Variants in SSH3 observed in about 807,000 individuals in gnomAD.
SSH3 encodes the protein protein phosphatase Slingshot homolog 3.
Under a neutral mutation model 75.0 loss-of-function variants are expected in SSH3, and 67 were observed. The ratio of observed to expected loss-of-function variants is 0.89; its 90% CI spans 0.73 to 1.10. The LOEUF (loss-of-function observed/expected upper bound fraction) is 1.10. Among genes scored for constraint, SSH3 ranks in the 50% least tolerant of loss-of-function variants. SSH3 has a pLI of 0.00. For synonymous variants in SSH3, 318 were observed against 349.2 expected, an observed-to-expected ratio of 0.91 and a Z score of 1.00; for missense variants, 824 against 872.7, an observed-to-expected ratio of 0.94 and a Z score of 0.70.
At position 67,306,949 on chromosome 11, in the gene SSH3, T is replaced by C. The variant is rs768727587; in HGVS notation, c.451T>C (p.Phe151Leu). ...TGAGACGGTCCTCCTGGGCGTGGAT[T>C]TCCCTGACAGCAGGTTCGAGCAGGG... is the stretch of plus-strand genomic sequence containing the variant. ...QDETVLLGVD[F>L]PDSSSPSCTL... Residue 151 changes from phenylalanine to leucine, a missense_variant, in exon 4 of 14, where the codon TTC becomes CTC. By Grantham distance (22) the Phe-to-Leu change is conservative (BLOSUM62 0). Coordinates refer to ENST00000308127, the MANE Select transcript of SSH3 (RefSeq NM_017857.4). 1 of 1,612,700 alleles carries C rather than the reference T, an allele frequency of 6.2e-7. No individual in the cohort carries two copies. The highest frequency in any genetic ancestry group is 1.7e-5 in the Admixed American group (1 of 59,964).
In SSH3 at chr11:67,309,610, C is replaced by T. The variant is rs1861353601; in HGVS notation, c.1208+67C>T. ...AGCGGCCTCCGGTGCCCTCCTCCTG[C>T]CCACTCTGCCATCAGCTGTGCCATT... On this transcript the variant is annotated intron_variant, in intron 11 of 13. Coordinates refer to ENST00000308127, the MANE Select transcript of SSH3 (RefSeq NM_017857.4). The T allele has an allele frequency of 3.8e-6, 6 of 1,586,224 alleles. No individual in the cohort carries two copies. The South Asian group carries it at 5.7e-5, about 15-fold the overall frequency.
Position 67,303,551 on chromosome 11 carries a change from G to A in SSH3, c.-75G>A, listed in dbSNP as rs1202783169. The A allele has an allele frequency of 4.2e-6, 6 of 1,412,076 alleles. No individual in the cohort carries two copies. In the Admixed American group the frequency reaches 1.3e-4, roughly 31 times the overall value. The allele number at this position is 1,412,076 out of a possible 1,614,324, so 87.5% of individuals were successfully genotyped here. Reference sequence around the variant, plus strand: ...CGCCGTCCGTCCTTCCTGGTCCTGCGGGTCCAGGACTGTCCGCGGGGTTGA... The same window carrying A: ...CGCCGTCCGTCCTTCCTGGTCCTGCAGGTCCAGGACTGTCCGCGGGGTTGA... On this transcript the variant is annotated 5_prime_UTR_variant, in exon 1 of 14. Coordinates refer to ENST00000308127, the MANE Select transcript of SSH3 (RefSeq NM_017857.4).
At chr11:67,305,622 T>TC (rs1472506489) in intron 3 of SSH3, among the ~76,000 whole-genome samples, 1 of 152,222 alleles carries the variant, frequency 6.6e-6, no homozygotes, top group African/African-American at 2.4e-5. Context: ...GGCATGTTTC[T>TC]CCTCAACCAG....
intron 13 of SSH3, among the ~76,000 whole-genome samples, chr11:67,311,366 A>G (rs1337558990): frequency 2.0e-5 from 3 of 152,072 alleles, no homozygotes; most frequent in Admixed American, 1.3e-4. Flanking sequence ...ACAAGCAGGT[A>G]GGGTTCAAGG....
chr11:67,311,559 CCCATGGCTTCCGTAT>C lies in SSH3; in HGVS notation c.1684-29_1684-15del. 1.9e-6 allele frequency: 3 copies of C among 1,611,380 alleles called. No individual in the cohort carries two copies. Among genetic ancestry groups the C allele is most frequent in the Non-Finnish European group, 2.5e-6 (3 of 1,179,432 alleles). ...GGGCACCCCTGCCCCAGAAAGGCCT[CCCATGGCTTCCGTAT>C]CCTCACACCTGTCCAGGTCTTCTCT... On this transcript the variant is annotated splice_polypyrimidine_tract_variant and intron_variant, in intron 13 of 13. Coordinates refer to ENST00000308127, the MANE Select transcript of SSH3 (RefSeq NM_017857.4).
chr11:67,304,226 G>A, intron 2 of SSH3, 71 bp downstream of exon 2: 1 of 1,248,082 alleles, frequency 8.0e-7, no homozygotes, highest in Non-Finnish European at 1.1e-6. Context: ...CTGGGCTCCA[G>A]CTGCAGGGAC....
In SSH3 at chr11:67,304,158, G is replaced by T; in HGVS notation, c.104+3G>T. The T allele has an allele frequency of 6.3e-7, 1 of 1,596,516 alleles. No individual in the cohort carries two copies. On this transcript the variant is annotated splice_donor_region_variant and intron_variant, in intron 2 of 13. Transcript: ENST00000308127. Reference sequence around the variant, plus strand: ...CGAAGGAGTCGACTCCAGCGAAGGTGAGCGCCACCTCCCCCACGCAGACAC... The same window carrying T: ...CGAAGGAGTCGACTCCAGCGAAGGTTAGCGCCACCTCCCCCACGCAGACAC...
At chr11:67,309,299 C>T (rs1861342707) in intron 10 of SSH3, 98 bp from the exon 11 acceptor site, 3 of 1,482,640 alleles carry the variant, frequency 2.0e-6, no homozygotes, top group South Asian at 2.4e-5. Flanking sequence ...TGACTTGAAA[C>T]TCAGAGCTAA....
rs1554972713 is a variant in SSH3, at chr11:67,307,965, T to G, written c.885+26T>G. ...GTGGGCAGGGGGCCCGGGGACTGAG[T>G]CCCCTCTAGCAGGGGCTGCAAGCTT... On this transcript the variant is annotated intron_variant, in intron 8 of 13. Transcript: ENST00000308127. This position sits in a 1 kb window ranked among gnomAD's most constrained non-coding sequence, Gnocchi z 4.2. The G allele has an allele frequency of 3.7e-6, 6 of 1,613,016 alleles. No homozygotes were observed. Among genetic ancestry groups the G allele is most frequent in the Non-Finnish European group, 3.4e-6 (4 of 1,179,214 alleles).
chr11:67,309,717 C>T (rs769054329), intron 11 of SSH3, 51 bp from the exon 12 acceptor site: 28 of 1,603,264 alleles, frequency 1.7e-5, no homozygotes, highest in South Asian at 2.2e-5. Flanking sequence ...CTGCAGGAGG[C>T]GGGATCCTTC....
chr11:67,312,139 G>A lies in SSH3; in HGVS notation c.*252G>A. ...CTCAAGACTTTCTAACTGGGATGTG[G>A]TAGAGGGACTGAAGGTACCTTTGGG... On this transcript the variant is annotated 3_prime_UTR_variant, in exon 14 of 14. Coordinates refer to ENST00000308127, the MANE Select transcript of SSH3 (RefSeq NM_017857.4). The A allele has an allele frequency of 3.5e-6, 2 of 573,172 alleles. No homozygotes were observed. The highest frequency in any genetic ancestry group is 2.4e-5 in the South Asian group (1 of 42,534). 35.5% of individuals were successfully genotyped at this position (573,172 alleles called of 1,614,324 possible). A position where few individuals can be genotyped will look rare whatever the true frequency, so the allele number is the denominator to read the frequency against.
At position 67,304,130 on chromosome 11, in the gene SSH3, C is replaced by T; in HGVS notation, c.79C>T (p.Gln27Ter). Residue 27 changes from glutamine (Q) to a stop codon, truncating the protein, a stop_gained, in exon 2 of 14, where the codon CAG becomes TAG. Transcript: ENST00000308127. LOFTEE classifies it high-confidence loss of function. ...TPVGPWDQAV[Q>*]RRSRLQRRQS... ...GCTCTCTCCGCAGGACCAGGCGGTC[C>T]AGCGAAGGAGTCGACTCCAGCGAAG... The T allele has an allele frequency of 6.3e-7, 1 of 1,598,834 alleles. No individual in the cohort carries two copies. The highest frequency in any genetic ancestry group is 8.5e-7 in the Non-Finnish European group (1 of 1,176,798).
At position 67,308,293 on chromosome 11, in the gene SSH3, C is replaced by T; in HGVS notation, c.1005C>T (p.His335=). ...QRDRASRIFP[H]LYLGSEWNAA... is the part of the protein sequence containing the mutation. ...ACCGAGCCTCCCGCATCTTCCCCCA[C>T]CTCTACCTGGTGAGCTTCAGCCAGG... The change falls in exon 9 of 14, where the codon CAC becomes CAT. Residue 335 remains histidine (H), a synonymous_variant. Transcript: ENST00000308127. The surrounding 1 kb of genome is among the most constrained non-coding windows in gnomAD (Gnocchi z 4.9). 6.2e-7 allele frequency: 1 copy of T among 1,614,158 alleles called. No individual in the cohort carries two copies. Among genetic ancestry groups the T allele is most frequent in the Non-Finnish European group, 8.5e-7 (1 of 1,180,012 alleles).
At chr11:67,305,062 A>G in intron 3 of SSH3, 55 bp downstream of exon 3, 2 of 1,520,316 alleles carry the variant, frequency 1.3e-6, no homozygotes, top group Admixed American at 3.9e-5. Flanking sequence ...GCCTGAGGGC[A>G]GAATGGAGCC....
intron 3 of SSH3, among the ~76,000 whole-genome samples, chr11:67,305,942 C>T (rs1467993588): frequency 6.6e-6 from 1 of 151,986 alleles, no homozygotes; most frequent in Non-Finnish European, 1.5e-5. Context: ...TGGTGATAAA[C>T]ATTTCTCAAA....
At chr11:67,311,261 T>C (rs1357097334) in intron 13 of SSH3, among the ~76,000 whole-genome samples, 5 of 152,108 alleles carry the variant, frequency 3.3e-5, no homozygotes, top group Non-Finnish European at 1.5e-5. Flanking sequence ...GCCGGCTGCC[T>C]ACGCAAAGGC....
intron 3 of SSH3, among the ~76,000 whole-genome samples, chr11:67,305,484 G>A (rs1029037830): frequency 2.6e-5 from 4 of 152,172 alleles, no homozygotes; most frequent in East Asian, 1.9e-4. Flanking sequence ...CACCGCGCCC[G>A]GCCTGGGCAG....
At chr11:67,309,148 C>T in intron 10 of SSH3, 1 of 534,438 alleles carries the variant, frequency 1.9e-6, no homozygotes, top group Admixed American at 3.2e-5. Flanking sequence ...CTGAGAATAA[C>T]TGAAGGGCTG....
In SSH3 at chr11:67,309,474, T is replaced by A; in HGVS notation, c.1139T>A (p.Leu380His). Residue 380 changes from leucine (L) to histidine (H), a missense_variant, in exon 11 of 14, where the codon CTC becomes CAC. By Grantham distance (99) the Leu-to-His change is moderately conservative. Coordinates refer to ENST00000308127, the MANE Select transcript of SSH3 (RefSeq NM_017857.4). The stretch of plus-strand genomic sequence containing the variant: ...CGCTTCACCTACCACAATGTGCGCC[T>A]CTGGGATGAGGAGTCGGCCCAGCTG... ...PERFTYHNVR[L>H]WDEESAQLLP... The A allele has an allele frequency of 6.2e-7, 1 of 1,614,128 alleles. No homozygotes were observed. Among genetic ancestry groups the A allele is most frequent in the South Asian group, 1.1e-5 (1 of 91,088 alleles).
Sources: allele counts gnomAD v4.1 joint callset (sites outside exome capture counted in the v4.1 genomes callset), GRCh38; gene constraint gnomAD v4.1.1; non-coding constraint Gnocchi (gnomAD v3.1); transcripts MANE v1.5; gene names NCBI Gene and HGNC (gene_info 2026-07-23, HGNC 2026-07-21).